SF3B1: variants seen among roughly 807,000 people sequenced by gnomAD.
The protein encoded by SF3B1 is pre-mRNA processing 10.
In SF3B1, 12 loss-of-function variants were observed where a neutral mutation model predicts 153.8. The ratio of observed to expected loss-of-function variants is 0.08; its 90% CI spans 0.05 to 0.13. The LOEUF (loss-of-function observed/expected upper bound fraction) is 0.13, where lower values mean the gene tolerates loss of function less well. Ranked by LOEUF, SF3B1 falls within the 10% of genes least tolerant of loss-of-function variation. SF3B1 has a pLI of 1.00. For missense variants in SF3B1, 513 were observed against 1,606.1 expected (o/e 0.32, Z 11.63); for synonymous variants, 498 against 525.2 (o/e 0.95, Z 0.71).
intron 1 of SF3B1, among the ~76,000 whole-genome samples, chr2:197,426,175 T>C (rs954198056): frequency 1.3e-5 from 2 of 151,946 alleles, no homozygotes; most frequent in African/African-American, 2.4e-5. Context: ...GCCAGAAATA[T>C]CCTCACATGA....
At chr2:197,423,761 G>C (rs1559277520) in intron 2 of SF3B1, 47 bp downstream of exon 2, 4 of 1,564,664 alleles carry the variant, frequency 2.6e-6, no homozygotes, top group East Asian at 2.2e-5. Flanking sequence ...CATATTTCTT[G>C]CTCTCTCAAA....
chr2:197,410,039 AC>A, intron 6 of SF3B1, 32 bp from the exon 7 acceptor site: 1 of 1,367,626 alleles, frequency 7.3e-7, no homozygotes, highest in South Asian at 1.2e-5. Context: ...TATTTCACAC[AC>A]CCACACAGAA....
intron 1 of SF3B1, among the ~76,000 whole-genome samples, chr2:197,430,451 G>GT (rs912253325): frequency 2.0e-5 from 3 of 151,714 alleles, no homozygotes; most frequent in African/African-American, 4.8e-5. Flanking sequence ...ACTCACGGTA[G>GT]TTTTTTTTGT....
In SF3B1 at chr2:197,420,480, C is replaced by T. The variant is rs2085222344; in HGVS notation, c.363G>A (p.Lys121=). 3 of 1,613,424 alleles carry T rather than the reference C, an allele frequency of 1.9e-6. No individual in the cohort carries two copies. Among genetic ancestry groups the T allele is most frequent in the South Asian group, 2.2e-5 (2 of 91,030 alleles). The stretch of plus-strand genomic sequence containing the variant: ...GGGAAATTATCATGGTCCGCCTATG[C>T]TTTTTGTATTCATCTTCCCGGTCTG... The part of the protein sequence containing the change: ...KIADREDEYK[K]HRRTMIISPE... Residue 121 remains lysine (K), a synonymous_variant, in exon 4 of 25, where the codon AAG becomes AAA. Transcript: ENST00000335508.
intron 1 of SF3B1, among the ~76,000 whole-genome samples, chr2:197,426,499 T>G (rs1254561386): frequency 6.6e-6 from 1 of 152,012 alleles, no homozygotes; most frequent in Non-Finnish European, 1.5e-5. Context: ...ATTTATCACT[T>G]TTACCTAAAT....
chr2:197,430,682 G>A (rs534106981), intron 1 of SF3B1, among the ~76,000 whole-genome samples: 1 of 152,174 alleles, frequency 6.6e-6, no homozygotes, highest in Non-Finnish European at 1.5e-5. Context: ...TCAAACTCCT[G>A]ACCTCTGGTG....
chr2:197,395,947 TTTTC>T (rs1373226957), intron 23 of SF3B1, 105 bp downstream of exon 23: 16 of 948,726 alleles, frequency 1.7e-5, no homozygotes, highest in Middle Eastern at 3.4e-4. Flanking sequence ...GCTAGCAATT[TTTTC>T]TTTAACTATG....
At chr2:197,431,758 TA>T (rs1251597857) in intron 1 of SF3B1, among the ~76,000 whole-genome samples, 1 of 152,180 alleles carries the variant, frequency 6.6e-6, no homozygotes, top group Non-Finnish European at 1.5e-5. Flanking sequence ...GACAACTAAC[TA>T]TAATATAAAT....
chr2:197,418,389 A>C, intron 5 of SF3B1, 120 bp downstream of exon 5: 2 of 647,426 alleles, frequency 3.1e-6, no homozygotes, highest in South Asian at 2.9e-5. Flanking sequence ...TTTCTCAGTT[A>C]ATTTTTATTA....
intron 20 of SF3B1, chr2:197,398,782 A>T (rs1460151438): frequency 1.8e-6 from 1 of 570,568 alleles, no homozygotes; most frequent in East Asian, 3.2e-5. Flanking sequence ...TAGAAATGAA[A>T]GAAATCAGTG....
chr2:197,397,796 CAA>C (rs1419961106), intron 22 of SF3B1, among the ~76,000 whole-genome samples, 187 bp downstream of exon 22: 18 of 90,460 alleles, frequency 2.0e-4, no homozygotes, highest in South Asian at 3.3e-4. Flanking sequence ...GACTCCGTCT[CAA>C]AAAAAAAAAA....
intron 2 of SF3B1, among the ~76,000 whole-genome samples, chr2:197,422,534 T>C (rs1490509608): frequency 1.3e-5 from 2 of 151,950 alleles, no homozygotes; most frequent in East Asian, 3.8e-4. Context: ...ACATGGACCC[T>C]AGAATTTAAA....
intron 1 of SF3B1, among the ~76,000 whole-genome samples, chr2:197,429,824 T>C (rs936335322): frequency 1.3e-5 from 2 of 151,718 alleles, no homozygotes; most frequent in Admixed American, 6.6e-5. Flanking sequence ...ACTAGCACAA[T>C]CTAAACCTGA....
intron 6 of SF3B1, 101 bp downstream of exon 6, chr2:197,416,640 C>G (rs1057441509): frequency 1.0e-6 from 1 of 979,460 alleles, no homozygotes; most frequent in African/African-American, 1.6e-5. Flanking sequence ...TTTAAGGCAC[C>G]CAGTCTGTGG....
chr2:197,413,110 T>C (rs931451676), intron 6 of SF3B1, among the ~76,000 whole-genome samples: 5 of 151,810 alleles, frequency 3.3e-5, no homozygotes, highest in Admixed American at 2.6e-4. Flanking sequence ...TTAAAGTTAC[T>C]AGTTACTTGG....
At position 197,400,970 on chromosome 2, in the gene SF3B1, A is replaced by ACT; in HGVS notation, c.2497-36_2497-35dup. 7.3e-7 allele frequency: 1 copy of ACT among 1,374,182 alleles called. No homozygotes were observed. The highest frequency in any genetic ancestry group is 1.0e-6 in the Non-Finnish European group (1 of 977,822). 85.1% of individuals were successfully genotyped at this position (1,374,182 alleles called of 1,614,324 possible). On this transcript the variant is annotated intron_variant, in intron 17 of 24. Coordinates refer to ENST00000335508, the MANE Select transcript of SF3B1 (RefSeq NM_012433.4). The surrounding 1 kb of genome is among the most constrained non-coding windows in gnomAD (Gnocchi z 5.0). Reference sequence around the variant, plus strand: ...AACAGAAAAACAAAAAACCTTTTAGACTGCTTTTCCAAGGAAATAAAGCAA... The same window carrying ACT: ...AACAGAAAAACAAAAAACCTTTTAGACTCTGCTTTTCCAAGGAAATAAAGCAA...
chr2:197,398,646 C>CG, intron 20 of SF3B1, 65 bp from the exon 21 acceptor site: 1 of 1,446,882 alleles, frequency 6.9e-7, no homozygotes, highest in Non-Finnish European at 9.6e-7. Flanking sequence ...TTTCCTTTTA[C>CG]TTAGCAATGT....
chr2:197,412,042 G>A (rs369193175), intron 6 of SF3B1, among the ~76,000 whole-genome samples: 11 of 151,268 alleles, frequency 7.3e-5, no homozygotes, highest in Non-Finnish European at 7.4e-5. Context: ...CCCAGGAGGC[G>A]GAGGTTGCAA....
intron 1 of SF3B1, among the ~76,000 whole-genome samples, chr2:197,429,464 G>A (rs898340781): frequency 6.6e-6 from 1 of 152,186 alleles, no homozygotes; most frequent in Non-Finnish European, 1.5e-5. Context: ...TTTGTTTAGA[G>A]GTTTTTGTGT....
Sources: allele counts gnomAD v4.1 joint callset (sites outside exome capture counted in the v4.1 genomes callset), GRCh38; gene constraint gnomAD v4.1.1; non-coding constraint Gnocchi (gnomAD v3.1); transcripts MANE v1.5; gene names NCBI Gene and HGNC (gene_info 2026-07-23, HGNC 2026-07-21).